The following AGPAT5 variants were observed in gnomAD, a reference collection of about 807,000 sequenced individuals.
AGPAT5 encodes 1-acylglycerol-3-phosphate O-acyltransferase 5.
AGPAT5 carries 46 observed loss-of-function variants against 45.6 expected under a neutral mutation model. The observed-to-expected ratio is 1.01, with a 90% CI of 0.80 to 1.29. The LOEUF is 1.29. Ranked by LOEUF, AGPAT5 falls within the 50% of genes most tolerant of loss-of-function variation. The probability of loss-of-function intolerance (pLI) is 0.00; values close to 1 mark genes in which losing one functional copy is unlikely to be tolerated. For synonymous variants in AGPAT5, 272 were observed against 167.0 expected (o/e 1.63, Z -4.85); for missense variants, 673 against 450.7 (o/e 1.49, Z -4.47).
At chr8:6,757,095 T>C (rs2980693) in intron 7 of AGPAT5, 68 bp from the exon 8 acceptor site, 2 of 1,211,744 alleles carry the variant, frequency 1.7e-6, no homozygotes, top group African/African-American at 3.0e-5. Context: ...AATAGCTACC[T>C]GATTGATATT....
intron 6 of AGPAT5, among the ~76,000 whole-genome samples, chr8:6,752,706 A>AT (rs1320575498): frequency 6.6e-6 from 1 of 152,118 alleles, no homozygotes; most frequent in Non-Finnish European, 1.5e-5. Context: ...ATCTTAGAGT[A>AT]TTTTTTCCTA....
chr8:6,745,505 C>T (rs565842549), intron 5 of AGPAT5, among the ~76,000 whole-genome samples: 1 of 152,214 alleles, frequency 6.6e-6, no homozygotes, highest in South Asian at 2.1e-4. Flanking sequence ...TGTTAACTTT[C>T]ACATAACTTT....
intron 6 of AGPAT5, among the ~76,000 whole-genome samples, chr8:6,750,061 C>T (rs1338803445): frequency 6.6e-6 from 1 of 152,246 alleles, no homozygotes; most frequent in Non-Finnish European, 1.5e-5. Context: ...CTGCTTTCCA[C>T]AGGAAACCAC....
intron 4 of AGPAT5, among the ~76,000 whole-genome samples, chr8:6,736,857 C>T (rs1801068828): frequency 6.6e-6 from 1 of 152,254 alleles, no homozygotes; most frequent in Non-Finnish European, 1.5e-5. Flanking sequence ...ATTCTCTCTT[C>T]ACAGTTCTAT....
intron 5 of AGPAT5, chr8:6,746,057 C>T (rs1189869092): frequency 7.1e-6 from 1 of 141,452 alleles, no homozygotes; most frequent in African/African-American, 2.7e-5. Flanking sequence ...TTTCTCTCCT[C>T]TCTCTCTTTT....
Position 6,760,900 on chromosome 8 carries a change from CCTT to C in AGPAT5, c.*3514_*3516del, listed in dbSNP as rs1451718056. Among the ~76,000 whole-genome samples the C allele has an allele frequency of 6.6e-6, 1 of 152,158 alleles. No homozygotes were observed. Among genetic ancestry groups the C allele is most frequent in the African/African-American group, 2.4e-5 (1 of 41,428 alleles). ...TTCATGTAATTAACTGAATTTAAAA[CCTT>C]CAACTATTATGAAGTGCTCGTCTGT... On this transcript the variant is annotated 3_prime_UTR_variant, in exon 8 of 8. Coordinates refer to ENST00000285518, the MANE Select transcript of AGPAT5 (RefSeq NM_018361.5).
intron 6 of AGPAT5, among the ~76,000 whole-genome samples, chr8:6,749,839 C>G (rs1422780194): frequency 3.9e-5 from 6 of 152,242 alleles, no homozygotes; most frequent in Admixed American, 1.3e-4. Context: ...CATGTCCCCT[C>G]CTGTCTAAGA....
At chr8:6,710,028 A>T (rs191390587) in intron 1 of AGPAT5, among the ~76,000 whole-genome samples, 4 of 152,234 alleles carry the variant, frequency 2.6e-5, no homozygotes, top group African/African-American at 9.6e-5. Context: ...AAGTTTGTCT[A>T]AATGTATGAT....
chr8:6,749,077 C>T (rs1345357403), intron 6 of AGPAT5, among the ~76,000 whole-genome samples: 2 of 152,164 alleles, frequency 1.3e-5, no homozygotes, highest in Non-Finnish European at 2.9e-5. Context: ...TACTGTGCAC[C>T]GTTACATTAT....
intron 3 of AGPAT5, among the ~76,000 whole-genome samples, 199 bp downstream of exon 3, chr8:6,731,025 T>G (rs1800844871): frequency 6.6e-6 from 1 of 151,946 alleles, no homozygotes; most frequent in Non-Finnish European, 1.5e-5. Flanking sequence ...CCCACCATCA[T>G]GCCCGGCTAA....
At chr8:6,723,022 T>C (rs1800560244) in intron 1 of AGPAT5, among the ~76,000 whole-genome samples, 1 of 152,242 alleles carries the variant, frequency 6.6e-6, no homozygotes, top group Admixed American at 6.5e-5. Context: ...TAGACGGAAC[T>C]AATGTGATTT....
intron 7 of AGPAT5, 107 bp from the exon 8 acceptor site, chr8:6,757,056 C>T (rs1311292991): frequency 6.6e-6 from 5 of 760,770 alleles, no homozygotes; most frequent in Non-Finnish European, 8.5e-6. Flanking sequence ...CCTTATTTTC[C>T]AGGGACCTGC....
At chr8:6,708,946 C>T (rs1451250221) in intron 1 of AGPAT5, 59 bp downstream of exon 1, 1 of 1,494,318 alleles carries the variant, frequency 6.7e-7, no homozygotes, top group Non-Finnish European at 9.1e-7. Flanking sequence ...GGGCGCGGAC[C>T]TCTCCGCTCC....
At chr8:6,732,729 G>GTTT (rs1426664905) in intron 4 of AGPAT5, 79 bp downstream of exon 4, 3 of 1,236,836 alleles carry the variant, frequency 2.4e-6, no homozygotes, top group Non-Finnish European at 3.3e-6. Flanking sequence ...TCTAAGAATT[G>GTTT]TTTTGACAAT....
In AGPAT5 at chr8:6,747,818, G is replaced by T; in HGVS notation, c.735G>T (p.Pro245=). 2 of 1,613,972 alleles carry T rather than the reference G, an allele frequency of 1.2e-6. No homozygotes were observed. The highest frequency in any genetic ancestry group is 1.7e-6 in the Non-Finnish European group (2 of 1,179,934). ...KDDGGQRRES[P]TMTEFLCKEC... is the part of the protein sequence containing the mutation. Reference sequence around the variant, plus strand: ...ATGGAGGGCAGCGAAGAGAGTCACCGACCATGACGGGTAAGTGTGTTCACG... The same window carrying T: ...ATGGAGGGCAGCGAAGAGAGTCACCTACCATGACGGGTAAGTGTGTTCACG... Residue 245 remains proline, a synonymous_variant, in exon 6 of 8, where the codon CCG becomes CCT. Transcript: ENST00000285518.
chr8:6,751,983 C>T (rs1287079852), intron 6 of AGPAT5, among the ~76,000 whole-genome samples: 1 of 151,866 alleles, frequency 6.6e-6, no homozygotes, highest in Non-Finnish European at 1.5e-5. Context: ...TCTAGACCAG[C>T]GTGACCAACA....
At chr8:6,709,791 G>T (rs1182557982) in intron 1 of AGPAT5, among the ~76,000 whole-genome samples, 1 of 151,770 alleles carries the variant, frequency 6.6e-6, no homozygotes. Context: ...GTTTGCAGTT[G>T]CACTGCTGAT....
chr8:6,720,610 A>C (rs1800466675), intron 1 of AGPAT5, among the ~76,000 whole-genome samples: 9 of 152,204 alleles, frequency 5.9e-5, no homozygotes, highest in Admixed American at 5.9e-4. Flanking sequence ...AGAAGGAAGC[A>C]CTGTCTTTAT....
rs766435992 is a variant in AGPAT5, at chr8:6,758,315, G to A, written c.*927G>A. 21 of 152,642 alleles carry A rather than the reference G, an allele frequency of 1.4e-4. No homozygotes were observed. Among genetic ancestry groups the A allele is most frequent in the Non-Finnish European group, 2.9e-4 (20 of 68,042 alleles). The allele number at this position is 152,642 out of a possible 1,614,324, so 9.5% of individuals were successfully genotyped here. Reference sequence around the variant, plus strand: ...AGACATTCTGCCTAGATTTACTAGCGTGTGCCTTTTGCCTGCTTCTCTTTG... The same window carrying A: ...AGACATTCTGCCTAGATTTACTAGCATGTGCCTTTTGCCTGCTTCTCTTTG... On this transcript the variant is annotated 3_prime_UTR_variant, in exon 8 of 8. Coordinates refer to ENST00000285518, the MANE Select transcript of AGPAT5 (RefSeq NM_018361.5).
Sources: gnomAD v4.1 joint callset for allele counts (sites outside exome capture counted in the v4.1 genomes callset) on GRCh38, gnomAD v4.1.1 for gene constraint, MANE v1.5 for transcripts, NCBI Gene and HGNC (gene_info 2026-07-23, HGNC 2026-07-21) for gene names.